CTIF: variants seen among roughly 807,000 people sequenced by gnomAD.
CTIF encodes the protein cap binding complex dependent translation initiation factor, also known as CBP80/20-dependent translation initiation factor.
In CTIF, 21 loss-of-function variants were observed where a neutral mutation model predicts 66.0. That is an observed-to-expected ratio of 0.32 (90% CI 0.23 to 0.46). The LOEUF (loss-of-function observed/expected upper bound fraction) is 0.46, where lower values mean the gene tolerates loss of function less well. Among genes scored for constraint, CTIF ranks in the 20% least tolerant of loss-of-function variants. The pLI, the probability that CTIF is intolerant of heterozygous loss-of-function variation, is 1.00. For synonymous variants in CTIF, 345 were observed against 326.4 expected, an observed-to-expected ratio of 1.06 and a Z score of -0.62; for missense variants, 739 against 812.7, an observed-to-expected ratio of 0.91 and a Z score of 1.10.
intron 9 of CTIF, among the ~76,000 whole-genome samples, chr18:48,792,152 A>G (rs1453982807): frequency 1.3e-5 from 2 of 152,246 alleles, no homozygotes. Flanking sequence ...GTGATTGGAA[A>G]AGAGCTCACC....
chr18:48,846,850 G>A (rs1259705174), intron 10 of CTIF, among the ~76,000 whole-genome samples: 3 of 151,870 alleles, frequency 2.0e-5, no homozygotes, highest in Admixed American at 1.3e-4. Context: ...AGAATGGATG[G>A]GTGGATGGAT....
At chr18:48,681,075 G>A (rs906709553) in intron 6 of CTIF, among the ~76,000 whole-genome samples, 4 of 152,238 alleles carry the variant, frequency 2.6e-5, no homozygotes, top group African/African-American at 9.6e-5. Context: ...TTACTGGCTG[G>A]AAGGCGTTTT....
At chr18:48,858,470 T>TCACA (rs113101564) in intron 11 of CTIF, among the ~76,000 whole-genome samples, 92,367 of 151,886 alleles carry the variant, frequency 0.61, 30,442 homozygotes, top group African/African-American at 0.87. Flanking sequence ...GGAATAGCTC[T>TCACA]CAGAGAGTAG....
intron 6 of CTIF, among the ~76,000 whole-genome samples, chr18:48,695,957 T>C (rs2092001050): frequency 6.6e-6 from 1 of 152,232 alleles, no homozygotes; most frequent in Non-Finnish European, 1.5e-5. Context: ...TCTTGCTGTC[T>C]CCTTTTTCTT....
Position 48,859,651 on chromosome 18 carries a change from C to G in CTIF, c.*92C>G. The G allele has an allele frequency of 8.1e-7, 1 of 1,239,226 alleles. No homozygotes were observed. Among genetic ancestry groups the G allele is most frequent in the Non-Finnish European group, 1.2e-6 (1 of 848,470 alleles). 76.8% of individuals were successfully genotyped at this position (1,239,226 alleles called of 1,614,324 possible). A position where few individuals can be genotyped will look rare whatever the true frequency, so the allele number is the denominator to read the frequency against. ...GGCGGGAGGACAGGGGTGGCCCTGG[C>G]GGGAGAAAGAAATGGGGAGGAGGGC... is the stretch of plus-strand genomic sequence containing the variant. On this transcript the variant is annotated 3_prime_UTR_variant, in exon 12 of 12. Transcript: ENST00000256413.
intron 10 of CTIF, among the ~76,000 whole-genome samples, chr18:48,823,612 G>T (rs996230895): frequency 6.6e-6 from 1 of 152,152 alleles, no homozygotes; most frequent in Non-Finnish European, 1.5e-5. Context: ...CTCAAGCTTT[G>T]TTCTTCTTCA....
chr18:48,642,136 G>A (rs779696451), intron 3 of CTIF, among the ~76,000 whole-genome samples: 20 of 152,316 alleles, frequency 1.3e-4, no homozygotes, highest in African/African-American at 2.2e-4. Flanking sequence ...TGTTTAGTTC[G>A]TATTTATTGA....
intron 9 of CTIF, among the ~76,000 whole-genome samples, chr18:48,809,797 T>C (rs1373106481): frequency 6.6e-6 from 1 of 152,010 alleles, no homozygotes; most frequent in East Asian, 1.9e-4. Flanking sequence ...ATCACCTATT[T>C]CATCATTTTT....
intron 7 of CTIF, among the ~76,000 whole-genome samples, chr18:48,753,987 G>A (rs1223174232): frequency 6.6e-6 from 1 of 152,172 alleles, no homozygotes; most frequent in East Asian, 1.9e-4. Context: ...GCTGGTTTTG[G>A]CTGGCCCAGC....
At chr18:48,549,601 G>C (rs755247562) in intron 1 of CTIF, among the ~76,000 whole-genome samples, 1 of 152,084 alleles carries the variant, frequency 6.6e-6, no homozygotes, top group Non-Finnish European at 1.5e-5. Context: ...CCACTGCTCC[G>C]GGCATCATGT....
chr18:48,712,385 C>T (rs556893884), intron 7 of CTIF, among the ~76,000 whole-genome samples: 1 of 152,212 alleles, frequency 6.6e-6, no homozygotes, highest in East Asian at 1.9e-4. Flanking sequence ...TTCAAAAAGG[C>T]TTTCTTATAA....
intron 1 of CTIF, among the ~76,000 whole-genome samples, chr18:48,582,105 T>G (rs2089670501): frequency 2.7e-5 from 4 of 150,506 alleles, no homozygotes; most frequent in African/African-American, 9.9e-5. Flanking sequence ...GGAGGCGTGG[T>G]GGGGTGTGGG....
Position 48,663,749 on chromosome 18 carries a change from C to A in CTIF, c.253-3C>A. The A allele has an allele frequency of 6.2e-7, 1 of 1,614,000 alleles. No individual in the cohort carries two copies. Among genetic ancestry groups the A allele is most frequent in the Non-Finnish European group, 8.5e-7 (1 of 1,179,896 alleles). On this transcript the variant is annotated splice_region_variant and splice_polypyrimidine_tract_variant and intron_variant, in intron 3 of 11. Coordinates refer to ENST00000256413, the MANE Select transcript of CTIF (RefSeq NM_014772.3). ...TCAGCCCTTTCACCCCCATCTCTTC[C>A]AGAATGGCAGCAAAGACAACTCTCT...
At chr18:48,565,152 G>A (rs184456016) in intron 1 of CTIF, 9 of 152,228 alleles carry the variant, frequency 5.9e-5, no homozygotes, top group Non-Finnish European at 1.2e-4. Context: ...TATTACTGAT[G>A]TCACCGTCTG....
chr18:48,857,560 TG>T lies in CTIF; in HGVS notation c.1528-26del. 2.5e-6 allele frequency: 4 copies of T among 1,596,968 alleles called. No homozygotes were observed. The Admixed American group carries it at 6.9e-5, about 28-fold the overall frequency. On this transcript the variant is annotated intron_variant, in intron 10 of 11. Transcript: ENST00000256413. Reference sequence around the variant, plus strand: ...CCAGTAGCCGGCATGTCTCCTTCAGTGGTGCTCTCTGCCCCTCTCTTCCACA... The same window carrying T: ...CCAGTAGCCGGCATGTCTCCTTCAGTGTGCTCTCTGCCCCTCTCTTCCACA...
At chr18:48,720,792 A>G (rs2092328020) in intron 7 of CTIF, among the ~76,000 whole-genome samples, 1 of 152,146 alleles carries the variant, frequency 6.6e-6, no homozygotes, top group Non-Finnish European at 1.5e-5. Flanking sequence ...AATCCTTTGC[A>G]CAGTGCAGCT....
chr18:48,731,332 G>C (rs1355662481), intron 7 of CTIF, among the ~76,000 whole-genome samples: 2 of 152,170 alleles, frequency 1.3e-5, no homozygotes, highest in Admixed American at 6.5e-5. Context: ...AGTAGAGAAG[G>C]CTCATTATGA....
At chr18:48,640,564 G>A (rs1478207746) in intron 3 of CTIF, among the ~76,000 whole-genome samples, 2 of 152,246 alleles carry the variant, frequency 1.3e-5, no homozygotes, top group East Asian at 1.9e-4. Context: ...TTAGTTTCAG[G>A]GAGAAACTGA....
chr18:48,644,344 CT>C (rs1264188319), intron 3 of CTIF, among the ~76,000 whole-genome samples: 1 of 152,168 alleles, frequency 6.6e-6, no homozygotes, highest in Admixed American at 6.5e-5. Context: ...AGAACAGATG[CT>C]GAAGCTGCAG....
Sources: gnomAD v4.1 joint callset for allele counts (sites outside exome capture counted in the v4.1 genomes callset) on GRCh38, gnomAD v4.1.1 for gene constraint, MANE v1.5 for transcripts, NCBI Gene and HGNC (gene_info 2026-07-23, HGNC 2026-07-21) for gene names.